The following KDM5A variants were observed in gnomAD, a reference collection of about 807,000 sequenced individuals.
KDM5A encodes the protein lysine demethylase 5A.
Under a neutral mutation model 193.5 loss-of-function variants are expected in KDM5A, and 42 were observed. That is an observed-to-expected ratio of 0.22 (90% CI 0.17 to 0.28). The LOEUF is 0.28. Ranked by LOEUF, KDM5A falls within the 10% of genes least tolerant of loss-of-function variation. The probability of loss-of-function intolerance (pLI) is 1.00; values close to 1 mark genes in which losing one functional copy is unlikely to be tolerated. For synonymous variants in KDM5A, 796 were observed against 718.1 expected (o/e 1.11, Z -1.73); for missense variants, 1,692 against 2,055.1 (o/e 0.82, Z 3.42).
At chr12:305,966 A>AGT (rs1943497998) in intron 24 of KDM5A, among the ~76,000 whole-genome samples, 1 of 119,866 alleles carries the variant, frequency 8.3e-6, no homozygotes, top group African/African-American at 3.5e-5. Context: ...TAGCAATGGA[A>AGT]GTGTTTTTTT....
At chr12:381,206 T>G (rs1315969306) in intron 3 of KDM5A, among the ~76,000 whole-genome samples, 1 of 151,886 alleles carries the variant, frequency 6.6e-6, no homozygotes, top group Non-Finnish European at 1.5e-5. Flanking sequence ...GTTGGTTGGG[T>G]TGGTCTCGAA....
intron 4 of KDM5A, among the ~76,000 whole-genome samples, chr12:364,438 C>T (rs7138981): frequency 0.63 from 94,376 of 149,630 alleles, 30,713 homozygotes; most frequent in Middle Eastern, 0.74. Flanking sequence ...GTTCACGCCA[C>T]TGCACTCCAG....
chr12:349,028 T>C (rs1204987768), intron 10 of KDM5A, among the ~76,000 whole-genome samples: 1 of 151,236 alleles, frequency 6.6e-6, no homozygotes, highest in Non-Finnish European at 1.5e-5. Flanking sequence ...AGACTTTTTT[T>C]TTTTTTTTTG....
At chr12:382,341 G>GA (rs1944584681) in intron 3 of KDM5A, among the ~76,000 whole-genome samples, 1 of 151,838 alleles carries the variant, frequency 6.6e-6, no homozygotes, top group African/African-American at 2.4e-5. Flanking sequence ...CAAGGCAGGA[G>GA]AATCACTTGA....
intron 3 of KDM5A, among the ~76,000 whole-genome samples, chr12:369,197 TAC>T (rs1416135477): frequency 6.6e-6 from 1 of 152,126 alleles, no homozygotes; most frequent in African/African-American, 2.4e-5. Flanking sequence ...GGGAAAATCA[TAC>T]AGAGACAAAA....
intron 4 of KDM5A, among the ~76,000 whole-genome samples, chr12:363,731 T>A (rs1235903020): frequency 6.6e-6 from 1 of 152,004 alleles, no homozygotes. Context: ...ATTTCTTAAA[T>A]ATGACACCAA....
Position 322,398 on chromosome 12 carries a change from A to G in KDM5A, c.2426+19T>C. 6.2e-7 allele frequency: 1 copy of G among 1,608,084 alleles called. No individual in the cohort carries two copies. Among genetic ancestry groups the G allele is most frequent in the East Asian group, 2.2e-5 (1 of 44,850 alleles). ...AGAAACAGGAAAACACTGGAGAATT[A>G]AACTCTTCTTAGGTTTACCTGTGTT... On this transcript the variant is annotated intron_variant, in intron 17 of 27. Coordinates refer to ENST00000399788, the MANE Select transcript of KDM5A (RefSeq NM_001042603.3).
chr12:362,837 A>C, intron 5 of KDM5A, 126 bp downstream of exon 5: 1 of 841,130 alleles, frequency 1.2e-6, no homozygotes, highest in Non-Finnish European at 2.0e-6. Context: ...AGCGCATACC[A>C]ACCAGCAATA....
At chr12:296,049 C>T (rs1023643710) in intron 25 of KDM5A, among the ~76,000 whole-genome samples, 22 of 152,148 alleles carry the variant, frequency 1.4e-4, no homozygotes, top group East Asian at 1.2e-3. Flanking sequence ...CCGGGTGTGG[C>T]GGCTCACCCT....
At chr12:379,474 C>CAT (rs10661251) in intron 3 of KDM5A, among the ~76,000 whole-genome samples, 128,475 of 152,086 alleles carry the variant, frequency 0.84, 54,577 homozygotes, top group African/African-American at 0.93. Flanking sequence ...CAGGTGTACA[C>CAT]ATATGAAAAT....
chr12:298,232 C>T (rs1180594988), intron 24 of KDM5A, among the ~76,000 whole-genome samples: 1 of 152,328 alleles, frequency 6.6e-6, no homozygotes, highest in South Asian at 2.1e-4. Flanking sequence ...GGTCCCTGGC[C>T]CCCGTGCATC....
chr12:350,881 TA>T, intron 9 of KDM5A, 102 bp from the exon 10 acceptor site: 2 of 1,054,104 alleles, frequency 1.9e-6, no homozygotes, highest in Non-Finnish European at 2.9e-6. Flanking sequence ...ATGATGAGAT[TA>T]AAAATCTTCT....
chr12:343,254 G>A (rs917658046), intron 10 of KDM5A, among the ~76,000 whole-genome samples: 3 of 152,198 alleles, frequency 2.0e-5, no homozygotes, highest in Middle Eastern at 3.2e-3. Flanking sequence ...GCTTGAGTAG[G>A]TAGAAAAAGC....
chr12:307,352 T>C lies in KDM5A; in HGVS notation c.3930+102A>G. The C allele has an allele frequency of 7.8e-7, 1 of 1,287,846 alleles. No homozygotes were observed. Among genetic ancestry groups the C allele is most frequent in the Non-Finnish European group, 1.1e-6 (1 of 894,506 alleles). The allele number at this position is 1,287,846 out of a possible 1,614,324, so 79.8% of individuals were successfully genotyped here. On this transcript the variant is annotated intron_variant, in intron 23 of 27. Transcript: ENST00000399788. This position sits in a 1 kb window ranked among gnomAD's most constrained non-coding sequence, Gnocchi z 4.3. ...AATGCAATGGATAATTGCTGACAAG[T>C]TACTGTTATTTTCCTAATCAATTGG...
chr12:371,376 T>G (rs551464320), intron 3 of KDM5A, among the ~76,000 whole-genome samples: 1 of 152,186 alleles, frequency 6.6e-6, no homozygotes, highest in South Asian at 2.1e-4. Context: ...GTGATGAGCA[T>G]TTTTTCATGT....
chr12:380,008 C>A (rs1322809825), intron 3 of KDM5A, among the ~76,000 whole-genome samples: 1 of 152,142 alleles, frequency 6.6e-6, no homozygotes, highest in Non-Finnish European at 1.5e-5. Context: ...GTGGCTTGCA[C>A]CTGTAATCCC....
intron 10 of KDM5A, among the ~76,000 whole-genome samples, chr12:344,347 A>G (rs1013858351): frequency 1.3e-5 from 2 of 152,200 alleles, no homozygotes; most frequent in South Asian, 4.1e-4. Flanking sequence ...ACTCTTCAGG[A>G]TATTATCCAG....
chr12:364,192 C>T (rs1438491147), intron 4 of KDM5A, among the ~76,000 whole-genome samples: 1 of 152,204 alleles, frequency 6.6e-6, no homozygotes, highest in East Asian at 1.9e-4. Context: ...TTTACACAGG[C>T]CGGGTGCGGT....
At position 307,743 on chromosome 12, in the gene KDM5A, A is replaced by G. The variant is rs756887435; in HGVS notation, c.3641T>C (p.Leu1214Pro). 52 of 1,614,092 alleles carry G rather than the reference A, an allele frequency of 3.2e-5. No homozygotes were observed. The highest frequency in any genetic ancestry group is 4.2e-5 in the Non-Finnish European group (50 of 1,180,042). ...QAKEVKFLCP[L>P]CMRSRRPRLE... ...CCTGGGCCTTCGAGACCGCATACAAAGAGGGCAAAGGAATTTTACTTCTTT... is the reference window on the plus strand; with the variant it reads ...CCTGGGCCTTCGAGACCGCATACAAGGAGGGCAAAGGAATTTTACTTCTTT... Residue 1214 changes from leucine to proline, a missense_variant, in exon 23 of 28, where the codon CTT becomes CCT. Around this residue, in one of 11 missense-constraint regions of KDM5A, gnomAD observed 965 missense variants for 1,061.0 expected, o/e 0.91. Transcript: ENST00000399788. The surrounding 1 kb of genome is among the most constrained non-coding windows in gnomAD (Gnocchi z 4.3).
Sources: gnomAD v4.1 joint callset for allele counts (sites outside exome capture counted in the v4.1 genomes callset) on GRCh38, gnomAD v4.1.1 for gene constraint, gnomAD v4.1.1 regional missense constraint, Gnocchi (gnomAD v3.1) non-coding constraint, MANE v1.5 for transcripts, NCBI Gene and HGNC (gene_info 2026-07-23, HGNC 2026-07-21) for gene names.